NXPH4: variants seen among roughly 807,000 people sequenced by gnomAD.
NXPH4 encodes the protein neurexophilin-4.
NXPH4 carries 8 observed loss-of-function variants against 21.3 expected under a neutral mutation model. The ratio of observed to expected loss-of-function variants is 0.38; its 90% CI spans 0.22 to 0.68. The LOEUF is 0.68. Among genes scored for constraint, NXPH4 ranks in the 30% least tolerant of loss-of-function variants. The probability of loss-of-function intolerance (pLI) is 0.53; values close to 1 mark genes in which losing one functional copy is unlikely to be tolerated. For synonymous variants in NXPH4, 219 were observed against 192.6 expected (o/e 1.14, Z -1.13); for missense variants, 418 against 416.8 (o/e 1.00, Z -0.03).
chr12:57,225,291 C>T lies in NXPH4; in HGVS notation c.471C>T (p.Pro157=). Residue 157 remains proline (P), a synonymous_variant, in exon 2 of 2, where the codon CCC becomes CCT. Transcript: ENST00000349394. ...LGNLSVSIVP[P]SKRVEFGGVW... is the part of the protein sequence containing the mutation. ...ACCTCAGTGTCAGCATCGTGCCGCC[C>T]TCCAAGCGTGTCGAGTTCGGAGGAG... 1 of 1,554,578 alleles carries T rather than the reference C, an allele frequency of 6.4e-7. No homozygotes were observed. The highest frequency in any genetic ancestry group is 8.7e-7 in the Non-Finnish European group (1 of 1,151,878).
chr12:57,219,201 G>A (rs1404511723), intron 1 of NXPH4, among the ~76,000 whole-genome samples: 1 of 152,036 alleles, frequency 6.6e-6, no homozygotes, highest in Non-Finnish European at 1.5e-5. Flanking sequence ...TGACACCTCT[G>A]CCTCTCCCGT....
Position 57,224,889 on chromosome 12 carries a change from C to A in NXPH4, c.69C>A (p.Ala23=). ...GPWLLRKAVS[A]QIPESGRPQY... The stretch of plus-strand genomic sequence containing the variant: ...TTCTTCGTGCACAGGCCGTCAGTGC[C>A]CAGATACCAGAGTCCGGAAGGCCGC... Residue 23 remains alanine (A), a synonymous_variant, in exon 2 of 2, where the codon GCC becomes GCA. Coordinates refer to ENST00000349394, the MANE Select transcript of NXPH4 (RefSeq NM_007224.4). 1 of 992,802 alleles carries A rather than the reference C, an allele frequency of 1.0e-6. No individual in the cohort carries two copies. The highest frequency in any genetic ancestry group is 2.3e-5 in the South Asian group (1 of 44,334). 61.5% of individuals were successfully genotyped at this position (992,802 alleles called of 1,614,324 possible).
intron 1 of NXPH4, among the ~76,000 whole-genome samples, chr12:57,219,617 C>T (rs564930399): frequency 1.3e-5 from 2 of 152,290 alleles, no homozygotes; most frequent in South Asian, 4.1e-4. Flanking sequence ...CCTCCTCTAG[C>T]CCCCCAGCTA....
rs746053371 is a variant in NXPH4 at position 57,225,597 on chromosome 12, C to A, written c.777C>A (p.Thr259=). The part of the protein sequence containing the change: ...CLYDPSQVCF[T]EHTQSQAAWL... ...ACGACCCGTCGCAGGTGTGCTTCAC[C>A]GAGCACACGCAGAGCCAGGCCGCCT... The change falls in exon 2 of 2, where the codon ACC becomes ACA. Residue 259 remains threonine, a synonymous_variant. Coordinates refer to ENST00000349394, the MANE Select transcript of NXPH4 (RefSeq NM_007224.4). The A allele has an allele frequency of 3.1e-6, 5 of 1,613,514 alleles. No homozygotes were observed. The highest frequency in any genetic ancestry group is 4.2e-6 in the Non-Finnish European group (5 of 1,180,006).
At chr12:57,222,183 C>G (rs185816260) in intron 1 of NXPH4, among the ~76,000 whole-genome samples, 1 of 152,196 alleles carries the variant, frequency 6.6e-6, no homozygotes, top group Admixed American at 6.5e-5. Flanking sequence ...CCGTGCCCCC[C>G]CAACTCTTCC....
chr12:57,224,076 G>C (rs1565763870), intron 1 of NXPH4, among the ~76,000 whole-genome samples: 1 of 152,210 alleles, frequency 6.6e-6, no homozygotes, highest in Non-Finnish European at 1.5e-5. Flanking sequence ...TGGTCTCTGA[G>C]GTCCTGGAGC....
intron 1 of NXPH4, among the ~76,000 whole-genome samples, chr12:57,218,422 G>T (rs1249773954): frequency 1.3e-5 from 2 of 152,192 alleles, no homozygotes; most frequent in East Asian, 3.9e-4. Context: ...GAGTGGGGGG[G>T]GTCTGTGCCC....
Position 57,225,613 on chromosome 12 carries a change from C to T in NXPH4, c.793C>T (p.Gln265Ter). The T allele has an allele frequency of 6.2e-7, 1 of 1,613,638 alleles. No individual in the cohort carries two copies. Among genetic ancestry groups the T allele is most frequent in the African/African-American group, 1.3e-5 (1 of 75,052 alleles). The change falls in exon 2 of 2, where the codon CAG becomes TAG. Residue 265 changes from glutamine (Q) to a stop codon, truncating the protein, a stop_gained. Coordinates refer to ENST00000349394, the MANE Select transcript of NXPH4 (RefSeq NM_007224.4). LOFTEE classifies it high-confidence loss of function. ...QVCFTEHTQS[Q>*]AAWLCAKPFK... ...GTGCTTCACCGAGCACACGCAGAGC[C>T]AGGCCGCCTGGCTCTGTGCCAAGCC...
At chr12:57,224,425 G>A (rs532127376) in intron 1 of NXPH4, among the ~76,000 whole-genome samples, 7 of 152,110 alleles carry the variant, frequency 4.6e-5, no homozygotes, top group Non-Finnish European at 7.4e-5. Context: ...TGTGCCGGGC[G>A]GGAGCCTCTT....
chr12:57,222,545 A>T (rs2037102063), intron 1 of NXPH4, among the ~76,000 whole-genome samples: 1 of 152,076 alleles, frequency 6.6e-6, no homozygotes, highest in Admixed American at 6.5e-5. Context: ...GGGCTTCTGG[A>T]AAGAACAGCG....
chr12:57,223,203 A>C (rs1247244575), intron 1 of NXPH4, among the ~76,000 whole-genome samples: 3 of 152,136 alleles, frequency 2.0e-5, no homozygotes, highest in Admixed American at 1.3e-4. Context: ...AGAGCTTGAC[A>C]CTTGGGCAGA....
At position 57,225,253 on chromosome 12, in the gene NXPH4, T is replaced by A; in HGVS notation, c.433T>A (p.Ser145Thr). The A allele has an allele frequency of 3.9e-6, 6 of 1,549,860 alleles. No homozygotes were observed. The highest frequency in any genetic ancestry group is 5.2e-6 in the Non-Finnish European group (6 of 1,149,598). Residue 145 changes from serine to threonine, a missense_variant, in exon 2 of 2, where the codon TCC becomes ACC. Physicochemically the swap from Ser to Thr is moderately conservative, Grantham distance 58. Transcript: ENST00000349394. ...CAGTGTGTATTTCCGCCACAACTCG[T>A]CCAGCCTGGGCAACCTCAGTGTCAG... ...TFSVYFRHNSSSLGNLSVSIV... is the reference protein window; with the variant it reads ...TFSVYFRHNSTSLGNLSVSIV...
chr12:57,217,675 TC>T (rs1209706842), intron 1 of NXPH4, among the ~76,000 whole-genome samples: 1 of 152,014 alleles, frequency 6.6e-6, no homozygotes, highest in Non-Finnish European at 1.5e-5. Flanking sequence ...TCCCATGCCC[TC>T]CCTGCCTCCA....
Position 57,224,905 on chromosome 12 carries a change from G to C in NXPH4, c.85G>C (p.Gly29Arg), listed in dbSNP as rs748690073. ...CGTCAGTGCCCAGATACCAGAGTCC[G>C]GAAGGCCGCAGTACCTGGGGCTGCG... ...KAVSAQIPES[G>R]RPQYLGLRPA... Residue 29 changes from glycine to arginine, a missense_variant, in exon 2 of 2, where the codon GGA becomes CGA. Physicochemically the swap from Gly to Arg is moderately radical, Grantham distance 125. Transcript: ENST00000349394. The C allele has an allele frequency of 8.4e-7, 1 of 1,187,668 alleles. No homozygotes were observed. The highest frequency in any genetic ancestry group is 1.1e-6 in the Non-Finnish European group (1 of 887,624). The allele number at this position is 1,187,668 out of a possible 1,614,324, so 73.6% of individuals were successfully genotyped here. A position where few individuals can be genotyped will look rare whatever the true frequency, so the allele number is the denominator to read the frequency against.
chr12:57,219,194 C>T (rs2037066711), intron 1 of NXPH4, among the ~76,000 whole-genome samples: 1 of 152,066 alleles, frequency 6.6e-6, no homozygotes, highest in Admixed American at 6.5e-5. Context: ...GAACGGCTGA[C>T]ACCTCTGCCT....
rs1011748458 is a variant in NXPH4, at chr12:57,224,987, C to G, written c.167C>G (p.Ser56Trp). The change falls in exon 2 of 2, where the codon TCG (serine) becomes TGG (tryptophan). Residue 56 changes from serine to tryptophan, a missense_variant. Ser to Trp is a radical substitution (Grantham distance 177, BLOSUM62 -3). Coordinates refer to ENST00000349394, the MANE Select transcript of NXPH4 (RefSeq NM_007224.4). The part of the protein sequence containing the change: ...PGQQLPEPRS[S>W]DGLGVGRAWS... ...CAGCAGCTCCCAGAGCCAAGGTCTT[C>G]GGACGGCCTAGGCGTGGGCCGCGCC... The G allele has an allele frequency of 6.8e-7, 1 of 1,464,248 alleles. No homozygotes were observed. The highest frequency in any genetic ancestry group is 1.5e-5 in the African/African-American group (1 of 67,916). 90.7% of individuals were successfully genotyped at this position (1,464,248 alleles called of 1,614,324 possible).
chr12:57,217,141 T>G (rs909975661), intron 1 of NXPH4, 115 bp downstream of exon 1: 1 of 927,614 alleles, frequency 1.1e-6, no homozygotes, highest in Non-Finnish European at 1.6e-6. Context: ...GCGTCCCAAC[T>G]TTGCGCGGCG....
In NXPH4 at chr12:57,225,126, CA is replaced by C; in HGVS notation, c.311del (p.Lys104ArgfsTer21). 5 of 1,538,498 alleles carry C rather than the reference CA, an allele frequency of 3.2e-6. No individual in the cohort carries two copies. Among genetic ancestry groups the C allele is most frequent in the Admixed American group, 2.1e-5 (1 of 47,614 alleles). On this transcript the variant is annotated frameshift_variant, in exon 2 of 2. Coordinates refer to ENST00000349394, the MANE Select transcript of NXPH4 (RefSeq NM_007224.4). LOFTEE classifies it high-confidence loss of function. Reference sequence around the variant, plus strand: ...AGCCGTCCATCAAGGCGGCGCGCGCCAAAAAGATCTTCGGCTGGGGGGACTT... The same window carrying C: ...AGCCGTCCATCAAGGCGGCGCGCGCCAAAAGATCTTCGGCTGGGGGGACTT... ...RKPSIKAARA[K>X]KIFGWGDFYF... is the part of the protein sequence containing the mutation.
chr12:57,217,414 C>A (rs1301822447), intron 1 of NXPH4, among the ~76,000 whole-genome samples: 1 of 152,196 alleles, frequency 6.6e-6, no homozygotes, highest in Non-Finnish European at 1.5e-5. Context: ...TGTCCTTCCA[C>A]CCCTCCACCC....
Sources: gnomAD v4.1 joint callset for allele counts (sites outside exome capture counted in the v4.1 genomes callset) on GRCh38, gnomAD v4.1.1 for gene constraint, MANE v1.5 for transcripts, NCBI Gene and HGNC (gene_info 2026-07-23, HGNC 2026-07-21) for gene names.